The following UGT1A8 variants were observed in gnomAD, a reference collection of about 807,000 sequenced individuals.
The protein encoded by UGT1A8 is UDP glucuronosyltransferase family 1 member A8.
In UGT1A8, 39 loss-of-function variants were observed where a neutral mutation model predicts 45.3. The observed-to-expected ratio is 0.86, with a 90% confidence interval of 0.67 to 1.12. The LOEUF (loss-of-function observed/expected upper bound fraction) is 1.12, where lower values mean the gene tolerates loss of function less well. Ranked by LOEUF, UGT1A8 falls within the 50% of genes most tolerant of loss-of-function variation. The pLI, the probability that UGT1A8 is intolerant of heterozygous loss-of-function variation, is 0.00. For missense variants in UGT1A8, 719 were observed against 664.9 expected, an observed-to-expected ratio of 1.08 and a Z score of -0.90; for synonymous variants, 275 against 249.2, an observed-to-expected ratio of 1.10 and a Z score of -0.97.
chr2:233,739,587 GCCTATAGCC>G (rs1691150074), intron 1 of UGT1A8, among the ~76,000 whole-genome samples: 1 of 152,224 alleles, frequency 6.6e-6, no homozygotes, highest in Non-Finnish European at 1.5e-5. Flanking sequence ...CTTGCATGGG[GCCTATAGCC>G]CCTTTGTTTT....
intron 1 of UGT1A8, among the ~76,000 whole-genome samples, chr2:233,708,220 T>C (rs1342660993): frequency 6.6e-6 from 1 of 152,252 alleles, no homozygotes; most frequent in Non-Finnish European, 1.5e-5. Context: ...AACAATTTAT[T>C]CTTCCCTTAG....
chr2:233,708,055 C>T (rs77717552), intron 1 of UGT1A8, among the ~76,000 whole-genome samples: 1 of 152,108 alleles, frequency 6.6e-6, no homozygotes, highest in African/African-American at 2.4e-5. Flanking sequence ...AATATCTTCC[C>T]CCACTCTGCA....
intron 1 of UGT1A8, chr2:233,681,932 T>A: frequency 6.2e-7 from 1 of 1,611,200 alleles, no homozygotes; most frequent in South Asian, 1.1e-5. Flanking sequence ...GGGCTGAAGT[T>A]CTCTGATGGC....
chr2:233,678,086 T>C (rs1428829257), intron 1 of UGT1A8, among the ~76,000 whole-genome samples: 1 of 152,170 alleles, frequency 6.6e-6, no homozygotes, highest in African/African-American at 2.4e-5. Flanking sequence ...CAAATACCAT[T>C]GTTTTCACTT....
At chr2:233,717,025 C>A (rs947654247) in intron 1 of UGT1A8, among the ~76,000 whole-genome samples, 5 of 152,200 alleles carry the variant, frequency 3.3e-5, no homozygotes, top group Non-Finnish European at 4.4e-5. Flanking sequence ...GCACCACCAT[C>A]TTCCAAGATA....
chr2:233,750,338 T>A (rs1437609393), intron 1 of UGT1A8, among the ~76,000 whole-genome samples: 1 of 151,900 alleles, frequency 6.6e-6, no homozygotes, highest in Non-Finnish European at 1.5e-5. Context: ...AGAGAGATGA[T>A]CTGAAATTGG....
chr2:233,760,379 T>G lies in UGT1A8; in HGVS notation c.856-6655T>G. On this transcript the variant is annotated intron_variant, in intron 1 of 4. Transcript: ENST00000373450. Reference sequence around the variant, plus strand: ...GTGGTGTCCCATGCTGGGAAGATACTGTTGATCCCAGTGGATGGCAGCCAC... The same window carrying G: ...GTGGTGTCCCATGCTGGGAAGATACGGTTGATCCCAGTGGATGGCAGCCAC... 6.2e-7 allele frequency: 1 copy of G among 1,614,196 alleles called. No homozygotes were observed. Among genetic ancestry groups the G allele is most frequent in the Non-Finnish European group, 8.5e-7 (1 of 1,180,016 alleles).
chr2:233,748,188 T>A (rs1575688597), intron 1 of UGT1A8: 1 of 1,565,216 alleles, frequency 6.4e-7, no homozygotes, highest in East Asian at 2.2e-5. Flanking sequence ...GTGCTTTTAT[T>A]TCTGCTTGTC....
chr2:233,722,106 A>G, intron 1 of UGT1A8: 1 of 195,622 alleles, frequency 5.1e-6, no homozygotes, highest in South Asian at 1.0e-4. Flanking sequence ...TCTTAGAGGA[A>G]GAGCTATCAT....
chr2:233,661,788 G>C (rs376558452), intron 1 of UGT1A8, among the ~76,000 whole-genome samples: 5 of 148,906 alleles, frequency 3.4e-5, no homozygotes, highest in African/African-American at 1.2e-4. Flanking sequence ...AACTTTTCTT[G>C]TAATATCATG....
rs191739325 is a variant in UGT1A8 at position 233,719,507 on chromosome 2, C to T, written c.856-47527C>T. On this transcript the variant is annotated intron_variant, in intron 1 of 4. Coordinates refer to ENST00000373450, the MANE Select transcript of UGT1A8 (RefSeq NM_019076.5). ...CCTACATTTGCCATACTTTTTCTGC[C>T]CCTTATGCAAGTCTTGCCTCTGAGC... 1.6e-4 allele frequency: 265 copies of T among 1,613,148 alleles called. 1 individual carries two copies. Among genetic ancestry groups the T allele is most frequent in the Middle Eastern group, 1.7e-4 (1 of 6,052 alleles).
In UGT1A8 at chr2:233,768,366, G is replaced by T. The variant is rs36076514; in HGVS notation, c.1222G>T (p.Val408Leu). The T allele has an allele frequency of 5.0e-5, 80 of 1,614,062 alleles. No homozygotes were observed. The Admixed American group carries it at 1.3e-3, about 26-fold the overall frequency. The part of the protein sequence containing the change: ...AKRMETKGAG[V>L]TLNVLEMTSE... ...GCGCATGGAGACTAAGGGAGCTGGA[G>T]TGACCCTGAATGTTCTGGAAATGAC... The change falls in exon 4 of 5, where the codon GTG becomes TTG. Residue 408 changes from valine (V) to leucine (L), a missense_variant. Val to Leu is a conservative substitution (Grantham distance 32). Transcript: ENST00000373450.
In UGT1A8 at chr2:233,749,593, A is replaced by G. The variant is rs751828786; in HGVS notation, c.856-17441A>G. Among the ~76,000 whole-genome samples the G allele has an allele frequency of 2.6e-5, 4 of 151,948 alleles. No individual in the cohort carries two copies. In the South Asian group the frequency reaches 8.3e-4, roughly 32 times the overall value. On this transcript the variant is annotated intron_variant, in intron 1 of 4. Coordinates refer to ENST00000373450, the MANE Select transcript of UGT1A8 (RefSeq NM_019076.5). ...GGCCACTGACTCTGTCTCAACATGA[A>G]GTCACACTAGATTTATCATGATTTG... is the stretch of plus-strand genomic sequence containing the variant.
At chr2:233,724,466 G>A (rs1369027656) in intron 1 of UGT1A8, among the ~76,000 whole-genome samples, 1 of 77,178 alleles carries the variant, frequency 1.3e-5, no homozygotes, top group African/African-American at 4.9e-5. Context: ...GGGCGGAGGG[G>A]CTCCTCACTT....
chr2:233,747,371 C>T (rs757857857), intron 1 of UGT1A8: 1 of 1,604,152 alleles, frequency 6.2e-7, no homozygotes, highest in East Asian at 2.2e-5. Flanking sequence ...AGCTCCATGC[C>T]AGAGGCCACC....
intron 1 of UGT1A8, chr2:233,760,489 A>C (rs756552149): frequency 6.2e-7 from 1 of 1,614,268 alleles, no homozygotes; most frequent in East Asian, 2.2e-5. Context: ...CTCGTTGTAC[A>C]TCAGAGACGG....
chr2:233,674,846 A>G (rs1162958681), intron 1 of UGT1A8, among the ~76,000 whole-genome samples: 1 of 152,188 alleles, frequency 6.6e-6, no homozygotes, highest in African/African-American at 2.4e-5. Flanking sequence ...TGGCCCAACC[A>G]CAGAAGTAAA....
intron 1 of UGT1A8, chr2:233,718,926 A>G (rs1264796990): frequency 1.2e-6 from 2 of 1,614,126 alleles, no homozygotes; most frequent in Non-Finnish European, 1.7e-6. Context: ...GGTGGTGCCC[A>G]CTGATGGCAG....
At chr2:233,684,747 A>G (rs1371238360) in intron 1 of UGT1A8, among the ~76,000 whole-genome samples, 1 of 152,136 alleles carries the variant, frequency 6.6e-6, no homozygotes, top group Non-Finnish European at 1.5e-5. Context: ...TATAATTATC[A>G]AAGAAGAATT....
Sources: allele counts gnomAD v4.1 joint callset (sites outside exome capture counted in the v4.1 genomes callset), GRCh38; gene constraint gnomAD v4.1.1; transcripts MANE v1.5; gene names NCBI Gene and HGNC (gene_info 2026-07-23, HGNC 2026-07-21).